The following TRMT9B variants were observed in gnomAD, a reference collection of about 807,000 sequenced individuals.
TRMT9B encodes the protein probable tRNA methyltransferase 9B.
In TRMT9B, 16 loss-of-function variants were observed where a neutral mutation model predicts 11.5. The observed-to-expected ratio is 1.39, with a 90% CI of 0.94 to 2.11. TRMT9B has a LOEUF of 2.11. Ranked by LOEUF, TRMT9B falls within the 30% of genes most tolerant of loss-of-function variation. The pLI is 0.00. For missense variants in TRMT9B, 941 were observed against 553.8 expected, an observed-to-expected ratio of 1.70 and a Z score of -7.02; for synonymous variants, 274 against 192.4, an observed-to-expected ratio of 1.42 and a Z score of -3.51.
chr8:13,006,497 C>T (rs1276669860), intron 3 of TRMT9B, 141 bp downstream of exon 3: 1 of 1,492,200 alleles, frequency 6.7e-7, no homozygotes, highest in African/African-American at 1.4e-5. Context: ...GGCCGTGTAG[C>T]ATGAAATACC....
At chr8:13,009,847 G>C (rs1811257280) in intron 3 of TRMT9B, among the ~76,000 whole-genome samples, 1 of 152,106 alleles carries the variant, frequency 6.6e-6, no homozygotes, top group African/African-American at 2.4e-5. Context: ...ACTACAGATA[G>C]GCCAGGCGCG....
chr8:13,009,583 T>C (rs78025304), intron 3 of TRMT9B, among the ~76,000 whole-genome samples: 4,613 of 152,238 alleles, frequency 0.03, 102 homozygotes, highest in Non-Finnish European at 0.047. Flanking sequence ...TATGTAAAAA[T>C]AAGCGTATTT....
chr8:13,002,029 T>C (rs893297526), intron 2 of TRMT9B, among the ~76,000 whole-genome samples: 1 of 152,342 alleles, frequency 6.6e-6, no homozygotes, highest in South Asian at 2.1e-4. Flanking sequence ...GCATTTAAAA[T>C]TTAAATCTGC....
intron 1 of TRMT9B, among the ~76,000 whole-genome samples, chr8:12,985,161 A>G (rs1341531031): frequency 6.6e-6 from 1 of 152,148 alleles, no homozygotes; most frequent in Non-Finnish European, 1.5e-5. Flanking sequence ...GCTAAGATAA[A>G]CGCCCCTCAC....
Position 13,028,838 on chromosome 8 carries a change from T to C in TRMT9B, c.*6794T>C, listed in dbSNP as rs778052421. The C allele has an allele frequency of 6.0e-6, 1 of 166,914 alleles. No individual in the cohort carries two copies. The highest frequency in any genetic ancestry group is 1.5e-5 in the Non-Finnish European group (1 of 68,114). The allele number at this position is 166,914 out of a possible 1,614,324, so 10.3% of individuals were successfully genotyped here. On this transcript the variant is annotated 3_prime_UTR_variant, in exon 5 of 5. Transcript: ENST00000524591. Reference sequence around the variant, plus strand: ...TCTTACGAGCTAATCATACCACTTCTAACTAGATTTTCTATTAATGTACAA... The same window carrying C: ...TCTTACGAGCTAATCATACCACTTCCAACTAGATTTTCTATTAATGTACAA...
At chr8:13,009,542 T>C (rs566679744) in intron 3 of TRMT9B, among the ~76,000 whole-genome samples, 1 of 152,318 alleles carries the variant, frequency 6.6e-6, no homozygotes, top group South Asian at 2.1e-4. Context: ...CTGACGCTGT[T>C]AGCTTCTTGT....
intron 1 of TRMT9B, among the ~76,000 whole-genome samples, chr8:12,989,554 G>T (rs907472291): frequency 6.6e-6 from 1 of 152,112 alleles, no homozygotes; most frequent in African/African-American, 2.4e-5. Flanking sequence ...TCTTACTGAT[G>T]GGGGCGTTGA....
intron 3 of TRMT9B, chr8:13,011,317 A>G: frequency 1.0e-6 from 1 of 985,152 alleles, no homozygotes; most frequent in Non-Finnish European, 1.2e-6. Context: ...TATATTCTCC[A>G]CTGTCTCAGC....
chr8:13,017,676 T>C (rs1812984217), intron 4 of TRMT9B, among the ~76,000 whole-genome samples: 2 of 146,266 alleles, frequency 1.4e-5, no homozygotes, highest in African/African-American at 5.1e-5. Flanking sequence ...TACAGTGGCA[T>C]GATCTTGACT....
chr8:12,981,556 A>T (rs1368306670), intron 1 of TRMT9B, among the ~76,000 whole-genome samples: 1 of 151,868 alleles, frequency 6.6e-6, no homozygotes, highest in African/African-American at 2.4e-5. Context: ...TCTTTATTCC[A>T]GTATTGGTTT....
intron 1 of TRMT9B, among the ~76,000 whole-genome samples, chr8:12,982,349 G>A (rs1585194613): frequency 6.6e-6 from 1 of 152,162 alleles, no homozygotes; most frequent in South Asian, 2.1e-4. Context: ...CATACACATG[G>A]ACTCTGTCTG....
intron 1 of TRMT9B, among the ~76,000 whole-genome samples, chr8:12,973,642 T>C (rs1167527231): frequency 6.6e-6 from 1 of 150,854 alleles, no homozygotes; most frequent in African/African-American, 2.4e-5. Flanking sequence ...TGAAACATGT[T>C]GGAGGTGTAG....
rs990926888 is a variant in TRMT9B at position 13,023,599 on chromosome 8, A to T, written c.*1555A>T. The T allele has an allele frequency of 6.0e-6, 1 of 167,114 alleles. No individual in the cohort carries two copies. The highest frequency in any genetic ancestry group is 2.4e-5 in the African/African-American group (1 of 41,462). 10.4% of individuals were successfully genotyped at this position (167,114 alleles called of 1,614,324 possible). On this transcript the variant is annotated 3_prime_UTR_variant, in exon 5 of 5. Transcript: ENST00000524591. ...CAGGTCTAGAGACAGGAGAAGCAGAAATAAGTTGACCCAGGAGTACAGTCT... is the reference window on the plus strand; with the variant it reads ...CAGGTCTAGAGACAGGAGAAGCAGATATAAGTTGACCCAGGAGTACAGTCT...
At position 13,021,807 on chromosome 8, in the gene TRMT9B, G is replaced by C. The variant is rs1275491065; in HGVS notation, c.1128G>C (p.Leu376Phe). The change falls in exon 5 of 5, where the codon TTG becomes TTC. Residue 376 changes from leucine (L) to phenylalanine (F), a missense_variant. Leu to Phe is a conservative substitution (Grantham distance 22). Coordinates refer to ENST00000524591, the MANE Select transcript of TRMT9B (RefSeq NM_020844.3). The part of the protein sequence containing the change: ...EDDNPSASKI[L>F]RRISAVDSTD... ...ATAATCCTTCTGCTAGTAAAATATT[G>C]AGAAGGATTTCTGCAGTTGATTCCA... is the stretch of plus-strand genomic sequence containing the variant. 1 of 1,613,764 alleles carries C rather than the reference G, an allele frequency of 6.2e-7. No individual in the cohort carries two copies. The highest frequency in any genetic ancestry group is 8.5e-7 in the Non-Finnish European group (1 of 1,179,734).
rs1025527398 is a variant in TRMT9B at position 13,026,988 on chromosome 8, T to C, written c.*4944T>C. 6.0e-6 allele frequency: 1 copy of C among 167,260 alleles called. No homozygotes were observed. Among genetic ancestry groups the C allele is most frequent in the South Asian group, 2.1e-4 (1 of 4,834 alleles). The allele number at this position is 167,260 out of a possible 1,614,324, so 10.4% of individuals were successfully genotyped here. On this transcript the variant is annotated 3_prime_UTR_variant, in exon 5 of 5. Coordinates refer to ENST00000524591, the MANE Select transcript of TRMT9B (RefSeq NM_020844.3). Reference sequence around the variant, plus strand: ...ATTTGTAAATCTGTTTCGATTTGATTTGAATTAAAAAATAGTTCTTGGTTG... The same window carrying C: ...ATTTGTAAATCTGTTTCGATTTGATCTGAATTAAAAAATAGTTCTTGGTTG...
At chr8:12,947,179 C>G (rs941166414) in intron 1 of TRMT9B, among the ~76,000 whole-genome samples, 7 of 152,128 alleles carry the variant, frequency 4.6e-5, no homozygotes, top group African/African-American at 1.4e-4. Context: ...GGCCATAAAG[C>G]TTGAGCTTTG....
chr8:12,952,529 C>G (rs1472843827), intron 1 of TRMT9B: 1 of 172,844 alleles, frequency 5.8e-6, no homozygotes, highest in Non-Finnish European at 1.1e-5. Flanking sequence ...AAGGACATGT[C>G]TAGTGCCTTA....
At chr8:12,998,598 G>A (rs184244976) in intron 2 of TRMT9B, among the ~76,000 whole-genome samples, 33 of 152,348 alleles carry the variant, frequency 2.2e-4, no homozygotes, top group African/African-American at 7.7e-4. Context: ...CTTAGGAGGA[G>A]CAGGTATAAA....
chr8:13,008,904 A>G (rs1271654190), intron 3 of TRMT9B, among the ~76,000 whole-genome samples: 1 of 151,916 alleles, frequency 6.6e-6, no homozygotes, highest in Non-Finnish European at 1.5e-5. Context: ...AATTTTTTGT[A>G]TTTTTAGTAG....
Sources: gnomAD v4.1 joint callset for allele counts (sites outside exome capture counted in the v4.1 genomes callset) on GRCh38, gnomAD v4.1.1 for gene constraint, MANE v1.5 for transcripts, NCBI Gene and HGNC (gene_info 2026-07-23, HGNC 2026-07-21) for gene names.